Variants in SDCCAG8 observed in about 807,000 individuals in gnomAD.
SDCCAG8 encodes the protein SHH signaling and ciliogenesis regulator SDCCAG8, also known as serologically defined colon cancer antigen 8.
SDCCAG8 carries 74 observed loss-of-function variants against 101.8 expected under a neutral mutation model. The observed-to-expected ratio is 0.73, with a 90% CI of 0.60 to 0.88. SDCCAG8 has a LOEUF of 0.88. Among genes scored for constraint, SDCCAG8 ranks in the 40% least tolerant of loss-of-function variants. The pLI is 0.00. For missense variants in SDCCAG8, 787 were observed against 822.6 expected (o/e 0.96, Z 0.53); for synonymous variants, 281 against 292.9 (o/e 0.96, Z 0.41).
At chr1:243,258,459 C>G (rs2066932719) in intron 1 of SDCCAG8, among the ~76,000 whole-genome samples, 1 of 152,182 alleles carries the variant, frequency 6.6e-6, no homozygotes, top group African/African-American at 2.4e-5. Flanking sequence ...GGCTGAAATG[C>G]AGTGGTGCCA....
At chr1:243,291,722 C>T (rs553609144) in intron 5 of SDCCAG8, among the ~76,000 whole-genome samples, 9 of 152,304 alleles carry the variant, frequency 5.9e-5, no homozygotes, top group Middle Eastern at 6.8e-3. Context: ...CCTGGCCATT[C>T]TCTGTTTCTC....
chr1:243,330,437 T>G, intron 9 of SDCCAG8, 103 bp from the exon 10 acceptor site: 1 of 1,146,328 alleles, frequency 8.7e-7, no homozygotes, highest in Non-Finnish European at 1.3e-6. Flanking sequence ...GGCTTTATAG[T>G]GAGTTTTTGC....
At chr1:243,447,816 T>C (rs769502534) in intron 16 of SDCCAG8, among the ~76,000 whole-genome samples, 29 of 152,176 alleles carry the variant, frequency 1.9e-4, no homozygotes, top group Non-Finnish European at 2.6e-4. Context: ...TTTGTAAACA[T>C]TTAAAACTTT....
At chr1:243,479,829 G>C (rs898644865) in intron 16 of SDCCAG8, among the ~76,000 whole-genome samples, 1 of 152,150 alleles carries the variant, frequency 6.6e-6, no homozygotes. Flanking sequence ...AACTCATTTC[G>C]TATGTGTGAT....
intron 11 of SDCCAG8, among the ~76,000 whole-genome samples, 184 bp from the exon 12 acceptor site, chr1:243,344,031 A>G (rs1472555056): frequency 6.6e-6 from 1 of 152,238 alleles, no homozygotes; most frequent in Admixed American, 6.5e-5. Context: ...TAGAATCAAT[A>G]ATCCCTGGTG....
intron 13 of SDCCAG8, among the ~76,000 whole-genome samples, chr1:243,391,582 TAGAG>T (rs894478760): frequency 6.6e-6 from 1 of 151,540 alleles, no homozygotes; most frequent in East Asian, 1.9e-4. Flanking sequence ...CCATGGAGGG[TAGAG>T]AGAGAGAGCC....
intron 10 of SDCCAG8, among the ~76,000 whole-genome samples, chr1:243,334,513 G>C (rs1050427772): frequency 5.3e-5 from 8 of 152,110 alleles, no homozygotes; most frequent in African/African-American, 1.9e-4. Flanking sequence ...TCCAGTGCAG[G>C]ATATTGCATG....
intron 12 of SDCCAG8, among the ~76,000 whole-genome samples, chr1:243,348,399 G>A (rs2075870548): frequency 6.6e-6 from 1 of 151,650 alleles, no homozygotes; most frequent in African/African-American, 2.4e-5. Flanking sequence ...GGCAGGGATG[G>A]GCACACTTGA....
At chr1:243,275,403 A>G (rs909692157) in intron 4 of SDCCAG8, among the ~76,000 whole-genome samples, 5 of 151,630 alleles carry the variant, frequency 3.3e-5, no homozygotes, top group Admixed American at 6.6e-5. Flanking sequence ...ATAGTATATG[A>G]TATTATGTAT....
chr1:243,276,411 A>G (rs1572909957), intron 4 of SDCCAG8, among the ~76,000 whole-genome samples: 3 of 152,354 alleles, frequency 2.0e-5, no homozygotes, highest in African/African-American at 7.2e-5. Flanking sequence ...CATTTTAGTA[A>G]GAGAAGAATA....
rs1272934645 is a variant in SDCCAG8 at position 243,416,167 on chromosome 1, CAT to C, written c.1744+339_1744+340del. ...GTTTTTGGCTGGGTTTTCAGGCACACATGTTATATAAAGAAAATAGCATCAGA... is the reference window on the plus strand; with the variant it reads ...GTTTTTGGCTGGGTTTTCAGGCACACGTTATATAAAGAAAATAGCATCAGA... On this transcript the variant is annotated intron_variant, in intron 14 of 17. Coordinates refer to ENST00000366541, the MANE Select transcript of SDCCAG8 (RefSeq NM_006642.5). The surrounding 1 kb of genome is among the most constrained non-coding windows in gnomAD (Gnocchi z 4.3). Among the ~76,000 whole-genome samples the C allele has an allele frequency of 2.0e-5, 3 of 152,102 alleles. No homozygotes were observed. The highest frequency in any genetic ancestry group is 6.6e-5 in the Admixed American group (1 of 15,262).
At chr1:243,322,676 G>A (rs1024342580) in intron 9 of SDCCAG8, among the ~76,000 whole-genome samples, 2 of 152,090 alleles carry the variant, frequency 1.3e-5, no homozygotes, top group Non-Finnish European at 2.9e-5. Flanking sequence ...GAAGGAAATT[G>A]CAACTCAGTT....
intron 16 of SDCCAG8, among the ~76,000 whole-genome samples, chr1:243,471,347 C>T (rs550072396): frequency 6.6e-6 from 1 of 152,218 alleles, no homozygotes; most frequent in Non-Finnish European, 1.5e-5. Context: ...TCCCTTTTTT[C>T]CCCCAGTATT....
chr1:243,406,819 T>C (rs1230331098), intron 13 of SDCCAG8, among the ~76,000 whole-genome samples: 4 of 152,170 alleles, frequency 2.6e-5, no homozygotes, highest in African/African-American at 9.6e-5. Flanking sequence ...CCTGGTTATC[T>C]CTCCACCCTG....
intron 10 of SDCCAG8, among the ~76,000 whole-genome samples, chr1:243,334,779 GT>G (rs1403739221): frequency 6.6e-6 from 1 of 152,056 alleles, no homozygotes; most frequent in Non-Finnish European, 1.5e-5. Context: ...ATAGAGACAG[GT>G]TTTTGCCATG....
intron 2 of SDCCAG8, among the ~76,000 whole-genome samples, chr1:243,270,761 T>G (rs1457641318): frequency 1.3e-5 from 2 of 152,156 alleles, no homozygotes; most frequent in East Asian, 3.9e-4. Flanking sequence ...AAACTTATTT[T>G]ATATCTATTA....
Position 243,417,957 on chromosome 1 carries a change from G to T in SDCCAG8, c.1745-11G>T. The T allele has an allele frequency of 6.3e-7, 1 of 1,580,542 alleles. No homozygotes were observed. Among genetic ancestry groups the T allele is most frequent in the Non-Finnish European group, 8.7e-7 (1 of 1,149,820 alleles). ...CATCTTATGTTGGTGGGGGTTTATT[G>T]TTATTTCTAGAAAATGAACAGTATT... is the stretch of plus-strand genomic sequence containing the variant. On this transcript the variant is annotated splice_polypyrimidine_tract_variant and intron_variant, in intron 14 of 17. Coordinates refer to ENST00000366541, the MANE Select transcript of SDCCAG8 (RefSeq NM_006642.5).
chr1:243,406,929 G>A (rs1164464108), intron 13 of SDCCAG8, among the ~76,000 whole-genome samples: 1 of 151,766 alleles, frequency 6.6e-6, no homozygotes, highest in Non-Finnish European at 1.5e-5. Flanking sequence ...TTTTTTTTAA[G>A]CTTCCTGAAA....
chr1:243,476,174 T>C lies in SDCCAG8; in HGVS notation c.1986-12840T>C, dbSNP rs143635223. The C allele has an allele frequency of 2.6e-3, 2,518 of 985,500 alleles. 4 individuals are homozygous for C. The highest frequency in any genetic ancestry group is 5.7e-3 in the Admixed American group (93 of 16,284). The allele number at this position is 985,500 out of a possible 1,614,324, so 61.0% of individuals were successfully genotyped here. On this transcript the variant is annotated intron_variant, in intron 16 of 17. Transcript: ENST00000366541. ...TTCTGAGTCACTCTGTTCAGCTCAATTGGTCGCCTTCAGTTACCGTGGCAA... is the reference window on the plus strand; with the variant it reads ...TTCTGAGTCACTCTGTTCAGCTCAACTGGTCGCCTTCAGTTACCGTGGCAA...
Sources: allele counts gnomAD v4.1 joint callset (sites outside exome capture counted in the v4.1 genomes callset), GRCh38; gene constraint gnomAD v4.1.1; non-coding constraint Gnocchi (gnomAD v3.1); transcripts MANE v1.5; gene names NCBI Gene and HGNC (gene_info 2026-07-23, HGNC 2026-07-21).